Variants in SPRED2 observed in about 807,000 individuals in gnomAD.
SPRED2 encodes the protein sprouty-related, EVH1 domain-containing protein 2.
A neutral mutation model predicts 43.0 loss-of-function variants in SPRED2; 47 were observed. The observed-to-expected ratio is 1.09, with a 90% CI of 0.87 to 1.40. The LOEUF (loss-of-function observed/expected upper bound fraction) is 1.40. Among genes scored for constraint, SPRED2 ranks in the 40% most tolerant of loss-of-function variants. SPRED2 has a pLI of 0.00. For missense variants in SPRED2, 561 were observed against 586.4 expected (o/e 0.96, Z 0.45); for synonymous variants, 225 against 225.7 (o/e 1.00, Z 0.03).
chr2:65,419,764 T>C (rs1005986601), intron 1 of SPRED2, among the ~76,000 whole-genome samples: 3 of 152,174 alleles, frequency 2.0e-5, no homozygotes, highest in Admixed American at 6.5e-5. Flanking sequence ...ACATTACGTA[T>C]TTGGTTCACA....
chr2:65,431,839 G>T, intron 1 of SPRED2, 123 bp downstream of exon 1: 1 of 1,198,938 alleles, frequency 8.3e-7, no homozygotes, highest in Non-Finnish European at 1.2e-6. Flanking sequence ...AACGCCGAAA[G>T]GTCAGCGAGT....
intron 4 of SPRED2, among the ~76,000 whole-genome samples, chr2:65,329,242 T>C (rs1281086560): frequency 6.6e-6 from 1 of 152,258 alleles, no homozygotes; most frequent in Non-Finnish European, 1.5e-5. Context: ...CTCATGTCCC[T>C]GGCTCTAGGT....
At chr2:65,315,722 A>G (rs1050910530) in intron 5 of SPRED2, among the ~76,000 whole-genome samples, 1 of 152,330 alleles carries the variant, frequency 6.6e-6, no homozygotes, top group Middle Eastern at 3.4e-3. Context: ...GCAATGGCGC[A>G]ATCTTGGCTC....
intron 1 of SPRED2, among the ~76,000 whole-genome samples, chr2:65,385,431 C>T (rs1675472544): frequency 1.3e-5 from 2 of 152,164 alleles, no homozygotes; most frequent in African/African-American, 2.4e-5. Flanking sequence ...TTCCATTAAC[C>T]GCCATTGTGA....
At chr2:65,382,501 G>A (rs1675396347) in intron 1 of SPRED2, among the ~76,000 whole-genome samples, 1 of 152,168 alleles carries the variant, frequency 6.6e-6, no homozygotes, top group African/African-American at 2.4e-5. Flanking sequence ...GGAATGTACT[G>A]GTTTCAAAGC....
chr2:65,352,049 G>C (rs1221163184), intron 1 of SPRED2, among the ~76,000 whole-genome samples: 2 of 152,218 alleles, frequency 1.3e-5, no homozygotes, highest in African/African-American at 4.8e-5. Flanking sequence ...AGAAAATAAG[G>C]CCTTTGTGTT....
Position 65,316,882 on chromosome 2 carries a change from G to C in SPRED2, c.440C>G (p.Thr147Arg), listed in dbSNP as rs996892971. Residue 147 changes from threonine (T) to arginine (R), a missense_variant and splice_region_variant, in exon 5 of 6, where the codon ACA (threonine) becomes AGA (arginine). Around this residue, in one of 6 missense-constraint regions of SPRED2, gnomAD observed 305 missense variants for 282.4 expected, o/e 1.08. Transcript: ENST00000356388. ...GGAATTAGAAGAACTGTCTGTAGCTGTCTGTGTAGAGGGAGGTAACCAAGA... is the reference window on the plus strand; with the variant it reads ...GGAATTAGAAGAACTGTCTGTAGCTCTCTGTGTAGAGGGAGGTAACCAAGA... ...AELGDDDVFT[T>R]ATDSSSNSSQ... 30 of 1,613,562 alleles carry C rather than the reference G, an allele frequency of 1.9e-5. No individual in the cohort carries two copies. Among genetic ancestry groups the C allele is most frequent in the Non-Finnish European group, 2.5e-5 (30 of 1,179,934 alleles).
rs117631713 is a variant in SPRED2, at chr2:65,383,554, C to A, written c.27-38658G>T. On this transcript the variant is annotated intron_variant, in intron 1 of 5. Coordinates refer to ENST00000356388, the MANE Select transcript of SPRED2 (RefSeq NM_181784.3). ...TCACATGGAGGAGGGAGGCTGAGTG[C>A]CCATCAAAACCCACCAAAGGCCGCT... Among the ~76,000 whole-genome samples, 7 of 152,282 alleles carry A rather than the reference C, an allele frequency of 4.6e-5. No individual in the cohort carries two copies. The East Asian group carries it at 9.7e-4, about 21-fold the overall frequency.
chr2:65,382,026 A>G (rs1675385032), intron 1 of SPRED2, among the ~76,000 whole-genome samples: 1 of 151,926 alleles, frequency 6.6e-6, no homozygotes, highest in South Asian at 2.1e-4. Context: ...TTGAGTAACC[A>G]CTCCAAAGGG....
intron 1 of SPRED2, among the ~76,000 whole-genome samples, chr2:65,365,223 T>C (rs1474433865): frequency 6.6e-6 from 1 of 152,228 alleles, no homozygotes; most frequent in African/African-American, 2.4e-5. Flanking sequence ...ATTAGCACGT[T>C]ACAGCATAAC....
intron 4 of SPRED2, among the ~76,000 whole-genome samples, chr2:65,326,721 C>G (rs1673631185): frequency 6.6e-6 from 1 of 152,242 alleles, no homozygotes; most frequent in South Asian, 2.1e-4. Context: ...TCTGGCTGGT[C>G]TCAAACTCCT....
intron 1 of SPRED2, among the ~76,000 whole-genome samples, chr2:65,351,337 C>T (rs370801265): frequency 9.8e-5 from 15 of 152,340 alleles, no homozygotes; most frequent in African/African-American, 3.4e-4. Context: ...CTGCCCCTCC[C>T]CATTTCTTTC....
intron 1 of SPRED2, among the ~76,000 whole-genome samples, chr2:65,418,210 C>A (rs971791340): frequency 1.3e-5 from 2 of 152,238 alleles, no homozygotes; most frequent in Admixed American, 1.3e-4. Context: ...CTCTTTGTTT[C>A]AAAGCCTCAA....
intron 3 of SPRED2, among the ~76,000 whole-genome samples, chr2:65,332,994 G>A (rs1231179239): frequency 1.3e-5 from 2 of 152,140 alleles, no homozygotes; most frequent in African/African-American, 2.4e-5. Context: ...CTGGCCAGAC[G>A]CAGTGGCTCA....
chr2:65,341,889 C>T (rs193243132), intron 2 of SPRED2, among the ~76,000 whole-genome samples: 1 of 151,504 alleles, frequency 6.6e-6, no homozygotes, highest in Non-Finnish European at 1.5e-5. Context: ...ACAAAAAGAC[C>T]AAAGAAGTGG....
At chr2:65,317,682 A>T (rs1038420126) in intron 4 of SPRED2, among the ~76,000 whole-genome samples, 2 of 152,162 alleles carry the variant, frequency 1.3e-5, no homozygotes, top group Admixed American at 6.5e-5. Flanking sequence ...GGAGGGGGGA[A>T]ATCTCCACCT....
At position 65,338,221 on chromosome 2, in the gene SPRED2, C is replaced by CG. The variant is rs376670902; in HGVS notation, c.205-3449_205-3448insC. Among the ~76,000 whole-genome samples, 21 of 92,926 alleles carry CG rather than the reference C, an allele frequency of 2.3e-4. 2 individuals carry two copies. Among genetic ancestry groups the CG allele is most frequent in the African/African-American group, 5.2e-4 (11 of 21,352 alleles). 61.0% of individuals were successfully genotyped at this position (92,926 alleles called of 152,430 possible). ...GTCTCCCTCTCCCTCTCCCGTCTCC[C>CG]TCTCCCTCTCCCGTCTCCCTCTCCC... On this transcript the variant is annotated intron_variant, in intron 2 of 5. Transcript: ENST00000356388.
chr2:65,419,817 G>T (rs981308072), intron 1 of SPRED2, among the ~76,000 whole-genome samples: 5 of 152,100 alleles, frequency 3.3e-5, no homozygotes, highest in Non-Finnish European at 7.4e-5. Flanking sequence ...CACTAGTTTG[G>T]GAACCACTGG....
rs2103645159 is a variant in SPRED2 at position 65,380,847 on chromosome 2, A to C, written c.27-35951T>G. Among the ~76,000 whole-genome samples the C allele has an allele frequency of 1.5e-4, 4 of 26,172 alleles. No homozygotes were observed. The East Asian group carries it at 0.038, about 247-fold the overall frequency. 17.2% of individuals were successfully genotyped at this position (26,172 alleles called of 152,430 possible). A position where few individuals can be genotyped will look rare whatever the true frequency, so the allele number is the denominator to read the frequency against. The stretch of plus-strand genomic sequence containing the variant: ...AGTGTTTGCCTTAAAACAACAAAAA[A>C]TTCAAGCCACGATTATATCTTCTAT... On this transcript the variant is annotated intron_variant, in intron 1 of 5. Transcript: ENST00000356388.
Sources: gnomAD v4.1 joint callset for allele counts (sites outside exome capture counted in the v4.1 genomes callset) on GRCh38, gnomAD v4.1.1 for gene constraint, gnomAD v4.1.1 regional missense constraint, MANE v1.5 for transcripts, NCBI Gene and HGNC (gene_info 2026-07-23, HGNC 2026-07-21) for gene names.